LARGE1: variants seen among roughly 807,000 people sequenced by gnomAD.
The protein encoded by LARGE1 is LARGE xylosyl- and glucuronyltransferase 1.
Under a neutral mutation model 87.6 loss-of-function variants are expected in LARGE1, and 43 were observed. That is an observed-to-expected ratio of 0.49 (90% CI 0.38 to 0.63). The LOEUF (loss-of-function observed/expected upper bound fraction) is 0.63, where lower values mean the gene tolerates loss of function less well. LARGE1 is among the 30% of genes least tolerant of loss of function. The pLI, the probability that LARGE1 is intolerant of heterozygous loss-of-function variation, is 0.00. For synonymous variants in LARGE1, 434 were observed against 394.6 expected (o/e 1.10, Z -1.18); for missense variants, 802 against 1,000.2 (o/e 0.80, Z 2.67).
chr22:33,552,450 G>A (rs2077556845), intron 6 of LARGE1, among the ~76,000 whole-genome samples: 1 of 140,852 alleles, frequency 7.1e-6, no homozygotes, highest in Admixed American at 7.7e-5. Flanking sequence ...ACACAAGCAC[G>A]ATATTTATTT....
chr22:33,157,562 C>A (rs1445809332), downstream of LARGE1, among the ~76,000 whole-genome samples: 1 of 152,160 alleles, frequency 6.6e-6, no homozygotes, highest in African/African-American at 2.4e-5. Context: ...AGAACCACTG[C>A]TCATTGTCTT....
intron 5 of LARGE1, among the ~76,000 whole-genome samples, chr22:33,578,907 AAT>A (rs2148859496): frequency 1.3e-5 from 2 of 152,336 alleles, no homozygotes; most frequent in East Asian, 3.9e-4. Context: ...ATGCAGTTAT[AAT>A]AGAGTCATAC....
At chr22:33,694,687 CATACAT>C (rs1043814418) in intron 2 of LARGE1, among the ~76,000 whole-genome samples, 73 of 152,124 alleles carry the variant, frequency 4.8e-4, no homozygotes, top group African/African-American at 1.6e-3. Context: ...TACACATACA[CATACAT>C]GGAGAGAGAA....
At chr22:33,556,366 T>C (rs990662936) in intron 6 of LARGE1, among the ~76,000 whole-genome samples, 4 of 151,970 alleles carry the variant, frequency 2.6e-5, no homozygotes, top group African/African-American at 4.8e-5. Flanking sequence ...ACACATTTAA[T>C]AGATATTAGC....
At chr22:33,507,492 T>C in intron 6 of LARGE1, among the ~76,000 whole-genome samples, 1 of 152,132 alleles carries the variant, frequency 6.6e-6, no homozygotes, top group East Asian at 1.9e-4. Flanking sequence ...ATGGGATACC[T>C]AGAATATTCA....
chr22:33,195,189 G>A (rs1483762680), intron 11 of LARGE1, among the ~76,000 whole-genome samples: 1 of 152,054 alleles, frequency 6.6e-6, no homozygotes, highest in Non-Finnish European at 1.5e-5. Context: ...TCAAACAGAT[G>A]CTCTTAAATA....
chr22:33,396,544 C>T (rs1055387835), intron 7 of LARGE1, among the ~76,000 whole-genome samples: 1 of 150,036 alleles, frequency 6.7e-6, no homozygotes, highest in Non-Finnish European at 1.5e-5. Context: ...ATCCTTCCAT[C>T]TCAAACCTTC....
intron 11 of LARGE1, among the ~76,000 whole-genome samples, chr22:33,246,940 C>T (rs1374645258): frequency 6.6e-6 from 1 of 152,096 alleles, no homozygotes; most frequent in Non-Finnish European, 1.5e-5. Flanking sequence ...TTTTTTCTAG[C>T]ATTTTATTCA....
chr22:33,257,458 C>CA (rs745756692), intron 11 of LARGE1, among the ~76,000 whole-genome samples: 3 of 93,746 alleles, frequency 3.2e-5, no homozygotes, highest in Non-Finnish European at 6.9e-5. Flanking sequence ...AAAACAAAAA[C>CA]AAAAAAACAA....
chr22:33,278,584 C>CACAA (rs1929810452), intron 13 of LARGE1, among the ~76,000 whole-genome samples: 5 of 151,436 alleles, frequency 3.3e-5, no homozygotes, highest in African/African-American at 4.9e-5. Context: ...CACACACACA[C>CACAA]ACACGCAGAT....
At chr22:33,361,196 C>T (rs1197748490) in intron 9 of LARGE1, among the ~76,000 whole-genome samples, 1 of 148,516 alleles carries the variant, frequency 6.7e-6, no homozygotes, top group African/African-American at 2.5e-5. Context: ...GGTGACAGAG[C>T]AAGACTGTTT....
In LARGE1 at chr22:33,335,854, G is replaced by C. The variant is rs191360444; in HGVS notation, c.1287+1792C>G. 8.2e-3 allele frequency among the ~76,000 whole-genome samples: 1,243 copies of C among 152,292 alleles called. 16 individuals are homozygous for C. The highest frequency in any genetic ancestry group is 0.029 in the African/African-American group (1,200 of 41,558). On this transcript the variant is annotated intron_variant, in intron 10 of 14. Coordinates refer to ENST00000397394, the MANE Select transcript of LARGE1 (RefSeq NM_133642.5). ...CCTCATAGAAATCCTTAAACCAGTG[G>C]AGCTGCTCACTAATATATTGCTATG...
chr22:33,568,528 AG>A (rs2078095511), intron 5 of LARGE1, among the ~76,000 whole-genome samples: 1 of 152,176 alleles, frequency 6.6e-6, no homozygotes, highest in African/African-American at 2.4e-5. Flanking sequence ...GAACTTTAGG[AG>A]GCTGAGGTGG....
intron 1 of LARGE1, among the ~76,000 whole-genome samples, chr22:33,773,707 G>A (rs2085142450): frequency 6.6e-6 from 1 of 152,254 alleles, no homozygotes; most frequent in South Asian, 2.1e-4. Context: ...ACAAGCTGCA[G>A]GAGCCTGGCA....
At chr22:33,882,136 G>A (rs1057367276) in intron 1 of LARGE1, among the ~76,000 whole-genome samples, 4 of 146,884 alleles carry the variant, frequency 2.7e-5, no homozygotes, top group Admixed American at 6.8e-5. Flanking sequence ...TCCGCCTCCC[G>A]GGTTCACACC....
At chr22:33,772,874 TGAAC>T (rs2085115428) in intron 1 of LARGE1, among the ~76,000 whole-genome samples, 1 of 148,668 alleles carries the variant, frequency 6.7e-6, no homozygotes, top group African/African-American at 2.5e-5. Context: ...AATGAATGAA[TGAAC>T]GAATGTGCCA....
At chr22:33,768,461 C>A (rs928722547) in intron 1 of LARGE1, among the ~76,000 whole-genome samples, 3 of 151,646 alleles carry the variant, frequency 2.0e-5, no homozygotes, top group African/African-American at 7.3e-5. Flanking sequence ...CACACACACA[C>A]ACACAGTCTC....
intron 6 of LARGE1, among the ~76,000 whole-genome samples, chr22:33,557,323 TG>T (rs1315908948): frequency 6.6e-6 from 1 of 152,138 alleles, no homozygotes; most frequent in Non-Finnish European, 1.5e-5. Context: ...GCTGGACCAA[TG>T]GAAGAACCAG....
chr22:33,586,150 AT>A (rs904999653), intron 5 of LARGE1, among the ~76,000 whole-genome samples: 1 of 152,014 alleles, frequency 6.6e-6, no homozygotes, highest in Admixed American at 6.6e-5. Flanking sequence ...TTGAGTTTTC[AT>A]TTTTTTCCGT....
Sources: gnomAD v4.1 joint callset for allele counts (sites outside exome capture counted in the v4.1 genomes callset) on GRCh38, gnomAD v4.1.1 for gene constraint, MANE v1.5 for transcripts, NCBI Gene and HGNC (gene_info 2026-07-23, HGNC 2026-07-21) for gene names.